Variants in GPC5 observed in about 807,000 individuals in gnomAD.
GPC5 encodes the protein glypican-5.
A neutral mutation model predicts 53.9 loss-of-function variants in GPC5; 47 were observed. That is an observed-to-expected ratio of 0.87 (90% CI 0.69 to 1.11). The LOEUF is 1.11. Ranked by LOEUF, GPC5 falls within the 50% of genes most tolerant of loss-of-function variation. The probability of loss-of-function intolerance (pLI) is 0.00; values close to 1 mark genes in which losing one functional copy is unlikely to be tolerated. For missense variants in GPC5, 748 were observed against 713.1 expected, an observed-to-expected ratio of 1.05 and a Z score of -0.56; for synonymous variants, 286 against 263.3, an observed-to-expected ratio of 1.09 and a Z score of -0.84.
At chr13:92,795,688 C>T (rs955695784) in intron 7 of GPC5, among the ~76,000 whole-genome samples, 1 of 151,494 alleles carries the variant, frequency 6.6e-6, no homozygotes, top group Non-Finnish European at 1.5e-5. Context: ...AGCCCCATCA[C>T]AAAGTGGGCA....
At chr13:92,568,607 G>T (rs921552118) in intron 7 of GPC5, among the ~76,000 whole-genome samples, 1 of 152,064 alleles carries the variant, frequency 6.6e-6, no homozygotes, top group Admixed American at 6.6e-5. Flanking sequence ...CATTTGTTTT[G>T]AATAAATATA....
chr13:92,323,309 C>T (rs960419780), intron 7 of GPC5, among the ~76,000 whole-genome samples: 52 of 148,562 alleles, frequency 3.5e-4, no homozygotes, highest in East Asian at 1.2e-3. Context: ...ACATATACAA[C>T]GTATATATAT....
intron 7 of GPC5, among the ~76,000 whole-genome samples, chr13:92,161,956 C>CATATATATATATATATATAT (rs55867004): frequency 1.0e-5 from 1 of 96,030 alleles, no homozygotes; most frequent in Non-Finnish European, 2.1e-5. Context: ...AATATATAGC[C>CATATATATATATATATATAT]ATATATATAT....
chr13:92,527,885 A>C (rs1881423415), intron 7 of GPC5, among the ~76,000 whole-genome samples: 1 of 152,144 alleles, frequency 6.6e-6, no homozygotes, highest in Middle Eastern at 3.2e-3. Context: ...GAAAATATTT[A>C]AGTGTGACTT....
chr13:92,491,270 A>C (rs1879749464), intron 7 of GPC5, among the ~76,000 whole-genome samples: 1 of 152,134 alleles, frequency 6.6e-6, no homozygotes, highest in Non-Finnish European at 1.5e-5. Flanking sequence ...CTATACAGAA[A>C]AAAAGATCTG....
intron 7 of GPC5, among the ~76,000 whole-genome samples, chr13:92,239,430 T>C (rs1011930974): frequency 6.6e-6 from 1 of 152,056 alleles, no homozygotes; most frequent in South Asian, 2.1e-4. Context: ...GCACAATTCT[T>C]ATAACTTATT....
intron 7 of GPC5, among the ~76,000 whole-genome samples, chr13:92,698,454 A>C (rs1273103034): frequency 6.6e-6 from 1 of 152,026 alleles, no homozygotes; most frequent in Non-Finnish European, 1.5e-5. Flanking sequence ...GCTGAGAATG[A>C]TGGTTTCCAG....
intron 7 of GPC5, among the ~76,000 whole-genome samples, chr13:92,782,133 A>T (rs926554679): frequency 1.3e-5 from 2 of 151,676 alleles, no homozygotes; most frequent in Non-Finnish European, 2.9e-5. Flanking sequence ...GGAAATAAGG[A>T]CAGAGAGAGG....
At chr13:92,854,980 T>G (rs1878948497) in intron 7 of GPC5, among the ~76,000 whole-genome samples, 1 of 152,026 alleles carries the variant, frequency 6.6e-6, no homozygotes, top group African/African-American at 2.4e-5. Flanking sequence ...CCAAATAAGT[T>G]TCCTTAGATT....
At chr13:92,170,507 C>A (rs1273851175) in intron 7 of GPC5, among the ~76,000 whole-genome samples, 1 of 132,506 alleles carries the variant, frequency 7.5e-6, no homozygotes, top group Non-Finnish European at 1.5e-5. Context: ...CTCACTGGAA[C>A]CTCCACCTCC....
chr13:91,448,965 A>T (rs865874893), intron 2 of GPC5, 43 bp downstream of exon 2: 2 of 1,591,170 alleles, frequency 1.3e-6, no homozygotes, highest in Middle Eastern at 3.4e-4. Flanking sequence ...TGGCCGTGTT[A>T]TGTAATTTGC....
At chr13:91,616,139 G>C (rs2033689834) in intron 2 of GPC5, among the ~76,000 whole-genome samples, 1 of 152,124 alleles carries the variant, frequency 6.6e-6, no homozygotes, top group Admixed American at 6.6e-5. Context: ...TATTGCCTAG[G>C]AAGAGAGTTT....
At chr13:91,512,094 T>TA (rs577338053) in intron 2 of GPC5, among the ~76,000 whole-genome samples, 4 of 152,136 alleles carry the variant, frequency 2.6e-5, no homozygotes, top group Non-Finnish European at 5.9e-5. Flanking sequence ...TTTAAATATA[T>TA]TTTTTGCCAA....
At chr13:92,201,013 A>G (rs9523534) in intron 7 of GPC5, among the ~76,000 whole-genome samples, 85,088 of 150,702 alleles carry the variant, frequency 0.56, 24,159 homozygotes, top group Middle Eastern at 0.69. Context: ...ACACACACGC[A>G]CACACACGGG....
At chr13:91,820,567 T>C (rs1259623299) in intron 5 of GPC5, among the ~76,000 whole-genome samples, 1 of 152,224 alleles carries the variant, frequency 6.6e-6, no homozygotes, top group Non-Finnish European at 1.5e-5. Context: ...TATTATTCTG[T>C]TCCTTTTGTG....
At chr13:92,675,187 G>T (rs546699269) in intron 7 of GPC5, among the ~76,000 whole-genome samples, 1 of 152,120 alleles carries the variant, frequency 6.6e-6, no homozygotes, top group Non-Finnish European at 1.5e-5. Flanking sequence ...TGGGAGGTAA[G>T]GAACACACTA....
intron 2 of GPC5, among the ~76,000 whole-genome samples, chr13:91,689,092 A>C (rs1180049453): frequency 6.7e-6 from 1 of 149,874 alleles, no homozygotes; most frequent in Non-Finnish European, 1.5e-5. Context: ...TGCTTTGAGC[A>C]CAGAAGGTTT....
intron 2 of GPC5, among the ~76,000 whole-genome samples, chr13:91,475,978 A>G (rs942636314): frequency 6.6e-6 from 1 of 152,244 alleles, no homozygotes; most frequent in African/African-American, 2.4e-5. Context: ...GAGGCTGGAA[A>G]TAAACGAATC....
At chr13:92,132,576 C>G (rs76794274) in intron 6 of GPC5, among the ~76,000 whole-genome samples, 2 of 152,052 alleles carry the variant, frequency 1.3e-5, no homozygotes, top group African/African-American at 4.8e-5. Flanking sequence ...TCTGACTACA[C>G]GTGGCATATT....
Sources: allele counts gnomAD v4.1 joint callset (sites outside exome capture counted in the v4.1 genomes callset), GRCh38; gene constraint gnomAD v4.1.1; transcripts MANE v1.5; gene names NCBI Gene and HGNC (gene_info 2026-07-23, HGNC 2026-07-21).